Variants in CCDC88C observed in about 807,000 individuals in gnomAD.
CCDC88C encodes coiled-coil and HOOK domain protein 88C, also known as protein Daple.
A neutral mutation model predicts 198.8 loss-of-function variants in CCDC88C; 131 were observed. That is an observed-to-expected ratio of 0.66 (90% CI 0.57 to 0.76). CCDC88C has a LOEUF of 0.76. CCDC88C is among the 30% of genes least tolerant of loss of function. CCDC88C has a pLI of 0.00. For missense variants in CCDC88C, 2,553 were observed against 2,631.6 expected, an observed-to-expected ratio of 0.97 and a Z score of 0.65; for synonymous variants, 1,166 against 1,114.7, an observed-to-expected ratio of 1.05 and a Z score of -0.92.
At chr14:91,394,445 G>A (rs1885714626) in intron 3 of CCDC88C, among the ~76,000 whole-genome samples, 1 of 152,226 alleles carries the variant, frequency 6.6e-6, no homozygotes. Flanking sequence ...AGTCTAGAAA[G>A]GGCAGCAGGT....
Position 91,305,846 on chromosome 14 carries a change from G to A in CCDC88C, c.3276C>T (p.Ser1092=). 6.2e-7 allele frequency: 1 copy of A among 1,613,964 alleles called. No individual in the cohort carries two copies. The highest frequency in any genetic ancestry group is 1.1e-5 in the South Asian group (1 of 91,088). ...HLETQNVTFS[S]QILTLQKQSA... ...TCTGTTTCTGCAGTGTCAAGATCTG[G>A]CTGCTGAAGGTCACGTTCTGGGTCT... The change falls in exon 19 of 30, where the codon AGC becomes AGT. Residue 1092 remains serine (S), a synonymous_variant. Transcript: ENST00000389857.
rs914152601 is a variant in CCDC88C, at chr14:91,274,508, G to A, written c.5059-855C>T. ...GAAGAGGAAGAGAAGTGAGTTCATG[G>A]GGGATGAGAGGCCGGCAGGTGTCAG... On this transcript the variant is annotated intron_variant, in intron 29 of 29. Transcript: ENST00000389857. 2.6e-5 allele frequency among the ~76,000 whole-genome samples: 4 copies of A among 152,232 alleles called. No homozygotes were observed. The East Asian group carries it at 7.7e-4, about 29-fold the overall frequency.
Position 91,321,245 on chromosome 14 carries a change from G to A in CCDC88C, c.1402C>T (p.Leu468=). ...TGGAGGCTCTGATTCTCCTTCTCCA[G>A]CTTCAGGATGCGGCTGGACGCACAT... ...NECASSRILK[L]EKENQSLQST... The change falls in exon 13 of 30, where the codon CTG becomes TTG. Residue 468 remains leucine, a synonymous_variant. Transcript: ENST00000389857. 6.3e-7 allele frequency: 1 copy of A among 1,594,208 alleles called. No homozygotes were observed. Among genetic ancestry groups the A allele is most frequent in the Non-Finnish European group, 8.5e-7 (1 of 1,169,816 alleles).
chr14:91,283,006 G>A (rs1003672574), intron 26 of CCDC88C, among the ~76,000 whole-genome samples: 1 of 152,268 alleles, frequency 6.6e-6, no homozygotes, highest in Non-Finnish European at 1.5e-5. Flanking sequence ...GCAGTTGCCT[G>A]GTTTTAGCCC....
chr14:91,297,460 C>A lies in CCDC88C; in HGVS notation c.3811G>T (p.Glu1271Ter). 1 of 1,569,808 alleles carries A rather than the reference C, an allele frequency of 6.4e-7. No homozygotes were observed. The highest frequency in any genetic ancestry group is 8.6e-7 in the Non-Finnish European group (1 of 1,157,248). ...VNFLHHQLKG[E>*]YEELHAHTKE... ...GTGTGGGCGTGCAGCTCCTCGTACT[C>A]CCCCTTCAGCTGGTGGTGCAGGAAA... The change falls in exon 22 of 30, where the codon GAG becomes TAG. Residue 1271 changes from glutamate to a stop codon, truncating the protein, a stop_gained. Transcript: ENST00000389857. LOFTEE classifies it high-confidence loss of function.
chr14:91,273,195 C>T lies in CCDC88C; in HGVS notation c.5517G>A (p.Glu1839=), dbSNP rs1173217125. 6.3e-7 allele frequency: 1 copy of T among 1,575,200 alleles called. No homozygotes were observed. The highest frequency in any genetic ancestry group is 1.2e-5 in the South Asian group (1 of 86,172). ...GGCTTTGCAGGGTGTGGCTGCCTGTCTCTCTGCCCCCTAAGGCCTCAGGAG... is the reference window on the plus strand; with the variant it reads ...GGCTTTGCAGGGTGTGGCTGCCTGTTTCTCTGCCCCCTAAGGCCTCAGGAG... ...LGAPEALGGR[E]TGSHTLQSPA... The change falls in exon 30 of 30, where the codon GAG becomes GAA. Residue 1839 remains glutamate, a synonymous_variant. Transcript: ENST00000389857. This position sits in a 1 kb window ranked among gnomAD's most constrained non-coding sequence, Gnocchi z 5.6.
At chr14:91,372,023 G>A (rs1051396708) in intron 3 of CCDC88C, among the ~76,000 whole-genome samples, 2 of 152,136 alleles carry the variant, frequency 1.3e-5, no homozygotes, top group Admixed American at 6.5e-5. Flanking sequence ...CTCAGGGTAC[G>A]AGCACCACAG....
intron 13 of CCDC88C, among the ~76,000 whole-genome samples, chr14:91,316,532 C>T (rs1567071916): frequency 6.6e-6 from 1 of 151,866 alleles, no homozygotes; most frequent in African/African-American, 2.4e-5. Flanking sequence ...AAGCAATTTT[C>T]CTGCCTCAGC....
At position 91,371,953 on chromosome 14, in the gene CCDC88C, G is replaced by A. The variant is rs940004694; in HGVS notation, c.271-12242C>T. ...CAGCCTGCTGGGACCTGTGAGGGTG[G>A]GAAAGGCAGGCAGTGGGGGCAGCCA... On this transcript the variant is annotated intron_variant, in intron 3 of 29. Transcript: ENST00000389857. The surrounding 1 kb of genome is among the most constrained non-coding windows in gnomAD (Gnocchi z 4.2). Among the ~76,000 whole-genome samples, 3 of 152,192 alleles carry A rather than the reference G, an allele frequency of 2.0e-5. No individual in the cohort carries two copies. Among genetic ancestry groups the A allele is most frequent in the Admixed American group, 6.5e-5 (1 of 15,290 alleles).
At chr14:91,345,190 A>ATATATATATATATTTTTT (rs1246878587) in intron 4 of CCDC88C, among the ~76,000 whole-genome samples, 2 of 52,204 alleles carry the variant, frequency 3.8e-5, no homozygotes, top group African/African-American at 1.6e-4. Flanking sequence ...ATATATATAT[A>ATATATATATATATTTTTT]TTTTTTTTTT....
chr14:91,313,820 G>T lies in CCDC88C; in HGVS notation c.1996C>A (p.His666Asn), dbSNP rs756134235. The T allele has an allele frequency of 6.2e-7, 1 of 1,603,914 alleles. No homozygotes were observed. The highest frequency in any genetic ancestry group is 8.5e-7 in the Non-Finnish European group (1 of 1,177,338). ...TATEKVEALE[H>N]ESQGLQLENR... ...TCCAGCTGCAGGCCCTGGCTCTCAT[G>T]CTCCAGGGCCTCGACTTTCTCGGTG... Residue 666 changes from histidine (H) to asparagine (N), a missense_variant, in exon 15 of 30, where the codon CAT (histidine) becomes AAT (asparagine). His to Asn is a moderately conservative substitution (Grantham distance 68). Around this residue, in one of 2 missense-constraint regions of CCDC88C, gnomAD observed 1,260 missense variants for 1,412.0 expected, o/e 0.89. Coordinates refer to ENST00000389857, the MANE Select transcript of CCDC88C (RefSeq NM_001080414.4). This position sits in a 1 kb window ranked among gnomAD's most constrained non-coding sequence, Gnocchi z 5.2.
intron 10 of CCDC88C, among the ~76,000 whole-genome samples, chr14:91,336,699 C>G (rs970757207): frequency 2.0e-5 from 3 of 152,350 alleles, no homozygotes; most frequent in Admixed American, 6.5e-5. Flanking sequence ...CTTCAGGATG[C>G]TCCTCAGCAG....
intron 3 of CCDC88C, among the ~76,000 whole-genome samples, chr14:91,392,904 C>G (rs1318637848): frequency 6.6e-6 from 1 of 152,090 alleles, no homozygotes; most frequent in Non-Finnish European, 1.5e-5. Flanking sequence ...AAGTCAGGGC[C>G]AGGGGTGTGA....
intron 3 of CCDC88C, among the ~76,000 whole-genome samples, chr14:91,366,099 G>T (rs1227747375): frequency 6.7e-6 from 1 of 148,502 alleles, no homozygotes; most frequent in East Asian, 2.0e-4. Context: ...ATAGTCAGAG[G>T]CATCTATTTA....
chr14:91,344,652 C>A (rs191297466), intron 4 of CCDC88C, among the ~76,000 whole-genome samples: 75 of 151,452 alleles, frequency 5.0e-4, no homozygotes, highest in African/African-American at 1.6e-3. Flanking sequence ...GCTGGGACTA[C>A]AGGCGGCCAC....
chr14:91,353,895 C>T (rs1893924976), intron 4 of CCDC88C, among the ~76,000 whole-genome samples: 1 of 152,244 alleles, frequency 6.6e-6, no homozygotes, highest in African/African-American at 2.4e-5. Context: ...CCCTCCAGGG[C>T]TTCCAGGAAT....
At chr14:91,303,311 T>C (rs1308791064) in intron 20 of CCDC88C, among the ~76,000 whole-genome samples, 2 of 146,442 alleles carry the variant, frequency 1.4e-5, no homozygotes, top group Non-Finnish European at 3.0e-5. Flanking sequence ...ACCCCACCTC[T>C]GCTCCAGGCT....
At chr14:91,407,332 G>A (rs908748007) in intron 3 of CCDC88C, among the ~76,000 whole-genome samples, 4 of 152,184 alleles carry the variant, frequency 2.6e-5, no homozygotes, top group African/African-American at 4.8e-5. Context: ...GGGGAGTCAC[G>A]GCTGGCCAGA....
intron 3 of CCDC88C, among the ~76,000 whole-genome samples, chr14:91,407,098 CAGG>C (rs1038375207): frequency 5.3e-5 from 8 of 152,130 alleles, no homozygotes; most frequent in Non-Finnish European, 8.8e-5. Context: ...CCCCACCCAA[CAGG>C]AGGAGGACGG....
Sources: allele counts gnomAD v4.1 joint callset (sites outside exome capture counted in the v4.1 genomes callset), GRCh38; gene constraint gnomAD v4.1.1; regional missense constraint gnomAD v4.1.1; non-coding constraint Gnocchi (gnomAD v3.1); transcripts MANE v1.5; gene names NCBI Gene and HGNC (gene_info 2026-07-23, HGNC 2026-07-21).